The following MOB3B variants were observed in gnomAD, a reference collection of about 807,000 sequenced individuals.
MOB3B encodes the protein MOB kinase activator 3B.
In MOB3B, 7 loss-of-function variants were observed where a neutral mutation model predicts 18.7. That is an observed-to-expected ratio of 0.37 (90% CI 0.21 to 0.70). MOB3B has a LOEUF of 0.70. Ranked by LOEUF, MOB3B falls within the 30% of genes least tolerant of loss-of-function variation. The pLI, the probability that MOB3B is intolerant of heterozygous loss-of-function variation, is 0.52. For synonymous variants in MOB3B, 111 were observed against 99.9 expected (o/e 1.11, Z -0.66); for missense variants, 253 against 281.3 (o/e 0.90, Z 0.72).
intron 2 of MOB3B, among the ~76,000 whole-genome samples, chr9:27,441,244 G>A (rs1180075557): frequency 1.3e-5 from 2 of 150,656 alleles, no homozygotes; most frequent in Non-Finnish European, 2.9e-5. Context: ...AAGAAAATTA[G>A]CATAAATTTC....
At chr9:27,419,504 A>T (rs914902097) in intron 2 of MOB3B, among the ~76,000 whole-genome samples, 5 of 152,134 alleles carry the variant, frequency 3.3e-5, no homozygotes, top group African/African-American at 9.7e-5. Context: ...GAACCCAAAT[A>T]CTTACAGCCA....
At chr9:27,350,232 T>C (rs1439697250) in intron 3 of MOB3B, among the ~76,000 whole-genome samples, 3 of 102,158 alleles carry the variant, frequency 2.9e-5, no homozygotes, top group African/African-American at 1.2e-4. Flanking sequence ...AAAAAGTATA[T>C]ACCAAAAAAA....
intron 1 of MOB3B, among the ~76,000 whole-genome samples, chr9:27,506,971 C>A (rs114859072): frequency 6.6e-6 from 1 of 151,850 alleles, no homozygotes; most frequent in Admixed American, 6.6e-5. Context: ...TGAGCCACTG[C>A]GCCCAGCCCA....
At chr9:27,505,426 G>C (rs965301783) in intron 1 of MOB3B, among the ~76,000 whole-genome samples, 11 of 152,222 alleles carry the variant, frequency 7.2e-5, no homozygotes, top group African/African-American at 2.7e-4. Flanking sequence ...AATGTGGGAA[G>C]TACTGCATTC....
intron 1 of MOB3B, among the ~76,000 whole-genome samples, chr9:27,498,687 G>A (rs551471071): frequency 6.6e-6 from 1 of 152,266 alleles, no homozygotes; most frequent in South Asian, 2.1e-4. Context: ...GTAGTACTGG[G>A]GTCTCATCCC....
intron 2 of MOB3B, among the ~76,000 whole-genome samples, chr9:27,424,849 T>C (rs1822303637): frequency 6.6e-6 from 1 of 152,182 alleles, no homozygotes; most frequent in South Asian, 2.1e-4. Flanking sequence ...CCATGTTCCA[T>C]ACTTGTGTCG....
chr9:27,431,086 T>C (rs367618129), intron 2 of MOB3B, among the ~76,000 whole-genome samples: 8 of 152,184 alleles, frequency 5.3e-5, no homozygotes, highest in Admixed American at 3.3e-4. Flanking sequence ...GCCTTCTGTA[T>C]TGGGAAAAAT....
intron 2 of MOB3B, among the ~76,000 whole-genome samples, chr9:27,419,838 A>G (rs962623656): frequency 6.6e-6 from 1 of 152,248 alleles, no homozygotes; most frequent in African/African-American, 2.4e-5. Context: ...TTTGCACGAA[A>G]AAAGGAACAG....
At chr9:27,519,179 T>C (rs935694842) in intron 1 of MOB3B, among the ~76,000 whole-genome samples, 1 of 152,142 alleles carries the variant, frequency 6.6e-6, no homozygotes, top group Non-Finnish European at 1.5e-5. Flanking sequence ...AACCACCAAA[T>C]AACTTTACTG....
chr9:27,380,489 G>C (rs757580802), intron 2 of MOB3B, among the ~76,000 whole-genome samples: 3 of 151,960 alleles, frequency 2.0e-5, no homozygotes, highest in African/African-American at 4.8e-5. Context: ...CACCCGCCTC[G>C]GCCTCCCAAA....
intron 2 of MOB3B, among the ~76,000 whole-genome samples, chr9:27,384,032 C>T (rs546835526): frequency 3.3e-5 from 5 of 152,238 alleles, no homozygotes; most frequent in African/African-American, 1.2e-4. Context: ...AGTAAAGAAA[C>T]CTGCTTATTT....
intron 2 of MOB3B, among the ~76,000 whole-genome samples, chr9:27,424,360 A>G (rs1822297257): frequency 6.6e-6 from 1 of 152,250 alleles, no homozygotes. Context: ...CTAGCCACGG[A>G]CACAGAATAA....
intron 2 of MOB3B, among the ~76,000 whole-genome samples, chr9:27,444,304 A>AAACG (rs1822657094): frequency 1.3e-5 from 1 of 77,666 alleles, no homozygotes; most frequent in Non-Finnish European, 2.6e-5. Context: ...AGGAAGGAAG[A>AAACG]AAGGAAGGAA....
chr9:27,419,548 G>A (rs927849002), intron 2 of MOB3B, among the ~76,000 whole-genome samples: 3 of 152,124 alleles, frequency 2.0e-5, no homozygotes, highest in Non-Finnish European at 4.4e-5. Context: ...GAAACATAAA[G>A]TGGGGAAAGG....
intron 1 of MOB3B, among the ~76,000 whole-genome samples, chr9:27,489,109 G>A (rs937405696): frequency 6.6e-6 from 1 of 152,324 alleles, no homozygotes; most frequent in African/African-American, 2.4e-5. Flanking sequence ...TTTTGAGTTT[G>A]CTTTCCAGCT....
In MOB3B at chr9:27,368,958, A is replaced by AG. The variant is rs749174354; in HGVS notation, c.419-9723dup. 5.3e-5 allele frequency among the ~76,000 whole-genome samples: 8 copies of AG among 152,332 alleles called. No homozygotes were observed. In the South Asian group the frequency reaches 6.2e-4, roughly 12 times the overall value. On this transcript the variant is annotated intron_variant, in intron 2 of 3. Transcript: ENST00000262244. ...CCTGCTTTCACAGCATGGATGTGAA[A>AG]GGAGCAGTAGATTAAGAAAGACCCA...
At chr9:27,502,819 GA>G (rs1156266798) in intron 1 of MOB3B, among the ~76,000 whole-genome samples, 1 of 152,206 alleles carries the variant, frequency 6.6e-6, no homozygotes. Flanking sequence ...TCTTTCTAAA[GA>G]GAATGTCACA....
intron 2 of MOB3B, among the ~76,000 whole-genome samples, chr9:27,448,407 C>T (rs866700251): frequency 6.6e-6 from 1 of 152,204 alleles, no homozygotes; most frequent in Admixed American, 6.6e-5. Context: ...TACAGTTCCA[C>T]ATGGCTGGGA....
chr9:27,373,156 T>C (rs1291345673), intron 2 of MOB3B, among the ~76,000 whole-genome samples: 4 of 152,220 alleles, frequency 2.6e-5, no homozygotes, highest in Admixed American at 2.0e-4. Flanking sequence ...GGCTACATAA[T>C]TTGCAGAGCC....
Sources: allele counts gnomAD v4.1 joint callset (sites outside exome capture counted in the v4.1 genomes callset), GRCh38; gene constraint gnomAD v4.1.1; transcripts MANE v1.5; gene names NCBI Gene and HGNC (gene_info 2026-07-23, HGNC 2026-07-21).